Variants in HIKESHI observed in about 807,000 individuals in gnomAD.
HIKESHI encodes heat shock protein nuclear import factor hikeshi.
A neutral mutation model predicts 25.7 loss-of-function variants in HIKESHI; 13 were observed. That is an observed-to-expected ratio of 0.51 (90% CI 0.33 to 0.80). HIKESHI has a LOEUF of 0.80. Among genes scored for constraint, HIKESHI ranks in the 30% least tolerant of loss-of-function variants. The pLI, the probability that HIKESHI is intolerant of heterozygous loss-of-function variation, is 0.02. For synonymous variants in HIKESHI, 76 were observed against 78.7 expected (o/e 0.97, Z 0.18); for missense variants, 174 against 229.5 (o/e 0.76, Z 1.56).
At chr11:86,345,356 A>G in intron 4 of HIKESHI, 2 of 390,322 alleles carry the variant, frequency 5.1e-6, no homozygotes, top group Admixed American at 4.6e-5. Flanking sequence ...AAAATTTCTT[A>G]TGATTTGTGC....
At chr11:86,333,024 C>G (rs1446874193) in intron 2 of HIKESHI, among the ~76,000 whole-genome samples, 1 of 144,896 alleles carries the variant, frequency 6.9e-6, no homozygotes, top group Non-Finnish European at 1.5e-5. Flanking sequence ...ATATTTTGTT[C>G]ATAATGGCAA....
chr11:86,311,242 G>T (rs1946826146), intron 2 of HIKESHI, among the ~76,000 whole-genome samples: 1 of 152,164 alleles, frequency 6.6e-6, no homozygotes, highest in African/African-American at 2.4e-5. Context: ...TTCAGAGCCT[G>T]TTATTGGTCT....
chr11:86,303,894 C>G (rs538849122), intron 1 of HIKESHI, among the ~76,000 whole-genome samples: 1 of 152,078 alleles, frequency 6.6e-6, no homozygotes, highest in Non-Finnish European at 1.5e-5. Context: ...GCAGACTGTT[C>G]AGTACCTATA....
intron 2 of HIKESHI, among the ~76,000 whole-genome samples, chr11:86,317,586 C>T (rs866548074): frequency 6.6e-6 from 1 of 152,038 alleles, no homozygotes; most frequent in Non-Finnish European, 1.5e-5. Flanking sequence ...AGGTGGATCA[C>T]CTGAGGTGGG....
intron 2 of HIKESHI, among the ~76,000 whole-genome samples, chr11:86,319,852 T>C (rs186603191): frequency 3.0e-4 from 46 of 152,328 alleles, no homozygotes; most frequent in African/African-American, 9.9e-4. Flanking sequence ...GAAGTACATA[T>C]ATGGATATGT....
chr11:86,340,383 T>C (rs1947693518), intron 3 of HIKESHI, among the ~76,000 whole-genome samples: 1 of 152,184 alleles, frequency 6.6e-6, no homozygotes, highest in African/African-American at 2.4e-5. Flanking sequence ...GTAAAAGCGT[T>C]CCTATTTCTC....
intron 1 of HIKESHI, among the ~76,000 whole-genome samples, chr11:86,302,761 T>C (rs1010834629): frequency 6.6e-6 from 1 of 152,226 alleles, no homozygotes; most frequent in East Asian, 1.9e-4. Flanking sequence ...CTCAGCCTTA[T>C]GTGTGGCGCT....
intron 2 of HIKESHI, among the ~76,000 whole-genome samples, chr11:86,307,984 ATATT>A (rs1168586821): frequency 1.6e-5 from 2 of 121,992 alleles, no homozygotes; most frequent in African/African-American, 6.6e-5. Flanking sequence ...TGTGTAATAT[ATATT>A]ATATATAAAA....
intron 2 of HIKESHI, among the ~76,000 whole-genome samples, chr11:86,335,536 A>T (rs1392924268): frequency 6.6e-6 from 1 of 152,208 alleles, no homozygotes; most frequent in Non-Finnish European, 1.5e-5. Context: ...GTCTCCGCAC[A>T]AGCAGGAAGT....
intron 2 of HIKESHI, among the ~76,000 whole-genome samples, chr11:86,327,934 G>C (rs936502250): frequency 1.3e-5 from 2 of 152,182 alleles, no homozygotes; most frequent in African/African-American, 2.4e-5. Context: ...ATAGGAGGAA[G>C]GATCCTGAAT....
At chr11:86,338,495 C>A (rs11601568) in intron 3 of HIKESHI, among the ~76,000 whole-genome samples, 19,482 of 152,124 alleles carry the variant, frequency 0.13, 1,542 homozygotes, top group East Asian at 0.37. Context: ...CTGATTTCTT[C>A]TTGCTTAGTG....
intron 2 of HIKESHI, among the ~76,000 whole-genome samples, chr11:86,322,441 A>ATGTGTG (rs978968877): frequency 2.6e-5 from 4 of 151,518 alleles, no homozygotes; most frequent in Non-Finnish European, 4.4e-5. Flanking sequence ...GTATATGTAT[A>ATGTGTG]TGTGTGTGTG....
At position 86,333,790 on chromosome 11, in the gene HIKESHI, A is replaced by T. The variant is rs979672798; in HGVS notation, c.269-3589A>T. On this transcript the variant is annotated intron_variant, in intron 2 of 4. Transcript: ENST00000278483. ...GAAATAGGTATAGGAATGAAAAAAA[A>T]AATAATTGGCTTGATCATTCTAAAT... is the stretch of plus-strand genomic sequence containing the variant. 1.1e-4 allele frequency among the ~76,000 whole-genome samples: 16 copies of T among 152,354 alleles called. 1 individual carries two copies. Among genetic ancestry groups the T allele is most frequent in the Admixed American group, 4.6e-4 (7 of 15,298 alleles).
chr11:86,342,365 C>A (rs191836918), intron 3 of HIKESHI, among the ~76,000 whole-genome samples: 105 of 152,016 alleles, frequency 6.9e-4, no homozygotes, highest in Non-Finnish European at 1.0e-3. Context: ...TACAGATATA[C>A]TATATTTGTA....
intron 2 of HIKESHI, among the ~76,000 whole-genome samples, chr11:86,323,807 G>A (rs1947206600): frequency 6.6e-6 from 1 of 152,144 alleles, no homozygotes; most frequent in Admixed American, 6.5e-5. Flanking sequence ...TAAAAAATGA[G>A]TTAATCCAAT....
intron 2 of HIKESHI, among the ~76,000 whole-genome samples, chr11:86,319,268 C>G (rs1423920587): frequency 2.3e-5 from 3 of 128,242 alleles, no homozygotes; most frequent in Admixed American, 9.2e-5. Flanking sequence ...AGACCAGTCT[C>G]ACTCTGTGGC....
chr11:86,344,749 T>C, intron 4 of HIKESHI, 28 bp downstream of exon 4: 3 of 1,367,636 alleles, frequency 2.2e-6, no homozygotes, highest in South Asian at 1.2e-5. Context: ...TCTCCAATAT[T>C]AAGGCTTTTT....
At position 86,303,361 on chromosome 11, in the gene HIKESHI, A is replaced by G; in HGVS notation, c.30+883A>G. ...TTGTATTCTGTACATATACAGTTCT[A>G]AGAAGCCAGAAAGATAAGTTGGAGA... On this transcript the variant is annotated intron_variant, in intron 1 of 4. Coordinates refer to ENST00000278483, the MANE Select transcript of HIKESHI (RefSeq NM_016401.4). 2 of 972,130 alleles carry G rather than the reference A, an allele frequency of 2.1e-6. 1 individual carries two copies. The highest frequency in any genetic ancestry group is 1.1e-3 in the Middle Eastern group (2 of 1,898). 60.2% of individuals were successfully genotyped at this position (972,130 alleles called of 1,614,324 possible).
chr11:86,316,841 T>G (rs1946997543), intron 2 of HIKESHI, among the ~76,000 whole-genome samples: 1 of 127,532 alleles, frequency 7.8e-6, no homozygotes, highest in Non-Finnish European at 1.6e-5. Context: ...TTGCCCAGGC[T>G]GGAGTGCAGT....
Sources: gnomAD v4.1 joint callset for allele counts (sites outside exome capture counted in the v4.1 genomes callset) on GRCh38, gnomAD v4.1.1 for gene constraint, MANE v1.5 for transcripts, NCBI Gene and HGNC (gene_info 2026-07-23, HGNC 2026-07-21) for gene names.